HIVEP3: variants seen among roughly 807,000 people sequenced by gnomAD.
HIVEP3 encodes transcription factor HIVEP3.
A neutral mutation model predicts 152.8 loss-of-function variants in HIVEP3; 49 were observed. The ratio of observed to expected loss-of-function variants is 0.32; its 90% CI spans 0.26 to 0.41. The LOEUF is 0.41. HIVEP3 is among the 10% of genes least tolerant of loss of function. HIVEP3 has a pLI of 1.00. For synonymous variants in HIVEP3, 1,269 were observed against 1,289.0 expected, an observed-to-expected ratio of 0.98 and a Z score of 0.33; for missense variants, 2,790 against 3,103.3, an observed-to-expected ratio of 0.90 and a Z score of 2.40.
intron 1 of HIVEP3, among the ~76,000 whole-genome samples, chr1:41,800,812 T>C (rs1256525309): frequency 6.6e-6 from 1 of 152,164 alleles, no homozygotes; most frequent in African/African-American, 2.4e-5. Context: ...AGTGATCAGA[T>C]GCCTCCCACA....
intron 1 of HIVEP3, among the ~76,000 whole-genome samples, chr1:42,003,344 T>A (rs899908435): frequency 2.0e-5 from 3 of 152,228 alleles, no homozygotes; most frequent in Non-Finnish European, 4.4e-5. Flanking sequence ...CCCAAAGTGC[T>A]GGGATTACAG....
intron 1 of HIVEP3, among the ~76,000 whole-genome samples, chr1:41,889,369 A>G (rs1378221626): frequency 2.0e-5 from 3 of 152,138 alleles, no homozygotes; most frequent in African/African-American, 7.2e-5. Flanking sequence ...TTGTGGAGTC[A>G]CTGACAATAA....
intron 1 of HIVEP3, among the ~76,000 whole-genome samples, chr1:41,929,724 TTTTATATATATATATATATATA>T (rs1388497640): frequency 3.3e-5 from 1 of 30,546 alleles, no homozygotes; most frequent in Admixed American, 4.0e-4. Context: ...GTATATGTGT[TTTTATATATATATATATATATA>T]TATATATGTT....
Position 41,582,824 on chromosome 1 carries a change from G to A in HIVEP3, c.1974C>T (p.Tyr658=), listed in dbSNP as rs746476457. 1.1e-5 allele frequency: 18 copies of A among 1,613,998 alleles called. No individual in the cohort carries two copies. In the Admixed American group the frequency reaches 2.3e-4, roughly 21 times the overall value. The part of the protein sequence containing the change: ...CGARYKKRDN[Y]EAHKKYYCSE... The stretch of plus-strand genomic sequence containing the variant: ...AGCAGTAGTATTTTTTGTGGGCTTC[G>A]TAGTTATCCCTTTTCTTGTACCGAG... Residue 658 remains tyrosine, a synonymous_variant, in exon 4 of 9, where the codon TAC becomes TAT. Coordinates refer to ENST00000372583, the MANE Select transcript of HIVEP3 (RefSeq NM_024503.5). This position sits in a 1 kb window ranked among gnomAD's most constrained non-coding sequence, Gnocchi z 4.7.
At position 41,756,080 on chromosome 1, in the gene HIVEP3, T is replaced by C. The variant is rs188757927; in HGVS notation, c.-800-55085A>G. The stretch of plus-strand genomic sequence containing the variant: ...AAGCCAACAACTGGCCTACAATAGG[T>C]GATTAGTTAAACAAATTGTACACCC... On this transcript the variant is annotated intron_variant, in intron 1 of 8. Coordinates refer to ENST00000372583, the MANE Select transcript of HIVEP3 (RefSeq NM_024503.5). Among the ~76,000 whole-genome samples, 21 of 152,318 alleles carry C rather than the reference T, an allele frequency of 1.4e-4. No individual in the cohort carries two copies. The East Asian group carries it at 4.0e-3, about 29-fold the overall frequency.
intron 1 of HIVEP3, among the ~76,000 whole-genome samples, chr1:41,809,394 C>T (rs576722272): frequency 3.3e-5 from 5 of 152,332 alleles, no homozygotes; most frequent in African/African-American, 7.2e-5. Flanking sequence ...TCACTTGCCA[C>T]GTGATGCCCA....
intron 1 of HIVEP3, among the ~76,000 whole-genome samples, chr1:41,975,972 C>A (rs898887288): frequency 5.3e-5 from 8 of 152,106 alleles, no homozygotes; most frequent in African/African-American, 1.7e-4. Context: ...TCCCTAAGGG[C>A]AAACCATTCT....
chr1:41,982,020 A>G (rs1231248192), intron 1 of HIVEP3, among the ~76,000 whole-genome samples: 1 of 152,258 alleles, frequency 6.6e-6, no homozygotes, highest in Non-Finnish European at 1.5e-5. Flanking sequence ...AGAAGGTGGC[A>G]GATGAACACA....
intron 1 of HIVEP3, among the ~76,000 whole-genome samples, chr1:41,837,100 C>T (rs147318545): frequency 4.2e-3 from 640 of 152,296 alleles, no homozygotes; most frequent in Non-Finnish European, 5.9e-3. Context: ...CGCCCAATGG[C>T]CTTCATTTTG....
chr1:41,819,605 T>G (rs530093268), intron 1 of HIVEP3, among the ~76,000 whole-genome samples: 2 of 152,336 alleles, frequency 1.3e-5, no homozygotes, highest in African/African-American at 4.8e-5. Context: ...GATTTCTTCT[T>G]TGATTAATTA....
At chr1:41,780,142 A>C (rs1465094135) in intron 1 of HIVEP3, among the ~76,000 whole-genome samples, 2 of 152,200 alleles carry the variant, frequency 1.3e-5, no homozygotes, top group Non-Finnish European at 2.9e-5. Flanking sequence ...TGGAGAGACA[A>C]AAAGACTGGG....
chr1:41,585,278 T>C lies in HIVEP3; in HGVS notation c.-481A>G. The C allele has an allele frequency of 2.5e-6, 1 of 399,038 alleles. No homozygotes were observed. Among genetic ancestry groups the C allele is most frequent in the East Asian group, 3.6e-5 (1 of 28,066 alleles). 24.7% of individuals were successfully genotyped at this position (399,038 alleles called of 1,614,324 possible). On this transcript the variant is annotated 5_prime_UTR_variant, in exon 4 of 9. Transcript: ENST00000372583. ...GGCTCTTCTCCCCTTTAGTTCTGGG[T>C]TGGAGATCAACGGCCTTGGAGGAGA...
intron 2 of HIVEP3, among the ~76,000 whole-genome samples, chr1:41,658,860 C>T (rs1038553705): frequency 1.3e-5 from 2 of 152,200 alleles, no homozygotes; most frequent in Non-Finnish European, 2.9e-5. Flanking sequence ...AGATGGACCA[C>T]CTGAATTGTC....
intron 1 of HIVEP3, among the ~76,000 whole-genome samples, chr1:41,980,509 G>A (rs1046910628): frequency 3.3e-5 from 5 of 152,170 alleles, no homozygotes; most frequent in Admixed American, 2.6e-4. Flanking sequence ...GATCTATAGC[G>A]ACAGAAAGTA....
chr1:41,714,869 G>A (rs1374884599), intron 1 of HIVEP3, among the ~76,000 whole-genome samples: 2 of 152,096 alleles, frequency 1.3e-5, no homozygotes, highest in Non-Finnish European at 2.9e-5. Context: ...AATTTTAAGG[G>A]TGTGTGTGTG....
chr1:41,748,320 A>G (rs1199350505), intron 1 of HIVEP3, among the ~76,000 whole-genome samples: 1 of 152,214 alleles, frequency 6.6e-6, no homozygotes, highest in Admixed American at 6.5e-5. Flanking sequence ...GCCAGGGGCT[A>G]GGAAGGTGAC....
chr1:41,580,844 A>G lies in HIVEP3; in HGVS notation c.3954T>C (p.Val1318=), dbSNP rs1644392855. Residue 1318 remains valine, a synonymous_variant, in exon 4 of 9, where the codon GTT becomes GTC. Transcript: ENST00000372583. ...TATTGGTCTGAACACGGACAGGCAC[A>G]ACCAGGGACACCATGGTGTCTGGAC... ...PACPDTMVSL[V]VPVRVQTNMP... is the part of the protein sequence containing the mutation. 1 of 1,595,138 alleles carries G rather than the reference A, an allele frequency of 6.3e-7. No homozygotes were observed. Among genetic ancestry groups the G allele is most frequent in the Non-Finnish European group, 8.5e-7 (1 of 1,171,080 alleles).
intron 1 of HIVEP3, among the ~76,000 whole-genome samples, chr1:41,760,518 C>A (rs1647600752): frequency 6.6e-6 from 1 of 152,210 alleles, no homozygotes; most frequent in Non-Finnish European, 1.5e-5. Flanking sequence ...CTGAGTTTGA[C>A]TTGAGTGTAG....
chr1:41,926,828 A>G (rs950008583), intron 1 of HIVEP3, among the ~76,000 whole-genome samples: 7 of 152,310 alleles, frequency 4.6e-5, no homozygotes, highest in East Asian at 1.9e-4. Context: ...CAAAAACCCT[A>G]TGGAGTTTTA....
Sources: gnomAD v4.1 joint callset for allele counts (sites outside exome capture counted in the v4.1 genomes callset) on GRCh38, gnomAD v4.1.1 for gene constraint, Gnocchi (gnomAD v3.1) non-coding constraint, MANE v1.5 for transcripts, NCBI Gene and HGNC (gene_info 2026-07-23, HGNC 2026-07-21) for gene names.